GAB3: variants seen among roughly 807,000 people sequenced by gnomAD.
The protein encoded by GAB3 is GRB2-associated-binding protein 3.
A neutral mutation model predicts 40.4 loss-of-function variants in GAB3; 12 were observed. The observed-to-expected ratio is 0.30, with a 90% CI of 0.19 to 0.48. The LOEUF is 0.48. Ranked by LOEUF, GAB3 falls within the 20% of genes least tolerant of loss-of-function variation. The probability of loss-of-function intolerance (pLI) is 0.99; values close to 1 mark genes in which losing one functional copy is unlikely to be tolerated. For missense variants in GAB3, 381 were observed against 461.9 expected, an observed-to-expected ratio of 0.82 and a Z score of 1.61; for synonymous variants, 154 against 176.7, an observed-to-expected ratio of 0.87 and a Z score of 1.02.
At chrX:154,679,075 T>A (rs1345632553) in intron 9 of GAB3, 2 of 314,239 alleles carry the variant, frequency 6.4e-6, no homozygotes, top group Non-Finnish European at 6.2e-6. Flanking sequence ...GAGGATAACT[T>A]TAGCCCAGGA....
intron 8 of GAB3, among the ~76,000 whole-genome samples, chrX:154,689,340 C>T (rs1377414381): frequency 3.6e-5 from 4 of 110,996 alleles, no homozygotes; most frequent in African/African-American, 9.8e-5. Context: ...GAAGCATTCC[C>T]TTTGAAAACT....
At chrX:154,680,898 A>G (rs2070363888) in intron 8 of GAB3, among the ~76,000 whole-genome samples, 1 of 112,459 alleles carries the variant, frequency 8.9e-6, no homozygotes, top group African/African-American at 3.2e-5. Flanking sequence ...GGGCGGCTTC[A>G]GTTTTGTGTT....
Position 154,675,978 on chromosome X carries a change from T to A in GAB3, c.*2200A>T, listed in dbSNP as rs2148403235. 1 of 111,998 alleles carries A rather than the reference T, an allele frequency of 8.9e-6. No homozygotes were observed. The highest frequency in any genetic ancestry group is 9.4e-5 in the Admixed American group (1 of 10,613). The allele number at this position is 111,998 out of a possible 1,213,427, so 9.2% of individuals were successfully genotyped here. A position where few individuals can be genotyped will look rare whatever the true frequency, so the allele number is the denominator to read the frequency against. ...CTCTGGAAATGAGGGGTGAGTCACC[T>A]TTTTCAAAATTAAATTTTTAAAATT... On this transcript the variant is annotated 3_prime_UTR_variant, in exon 10 of 10. Transcript: ENST00000424127.
intron 1 of GAB3, among the ~76,000 whole-genome samples, chrX:154,720,453 C>T (rs781937533): frequency 2.8e-4 from 31 of 110,015 alleles, no homozygotes; most frequent in South Asian, 7.8e-4. Flanking sequence ...AGTGAAACCC[C>T]GTCTCTAATA....
upstream of GAB3, among the ~76,000 whole-genome samples, chrX:154,751,285 G>GT (rs2071612986): frequency 1.4e-5 from 1 of 69,785 alleles, no homozygotes; most frequent in Non-Finnish European, 2.5e-5. Context: ...GGCTGTGCCC[G>GT]GGGGGGGGGT....
At chrX:154,732,220 A>C (rs906423397) in intron 1 of GAB3, among the ~76,000 whole-genome samples, 2 of 111,916 alleles carry the variant, frequency 1.8e-5, no homozygotes, top group South Asian at 3.7e-4. Context: ...GGTCTAGGAG[A>C]GGAGAAAAAT....
chrX:154,693,914 C>G (rs1226921298), intron 8 of GAB3, among the ~76,000 whole-genome samples: 1 of 111,342 alleles, frequency 9.0e-6, no homozygotes, highest in Non-Finnish European at 1.9e-5. Flanking sequence ...TCTAAATTTT[C>G]TATAATTTCA....
At chrX:154,726,490 T>TA (rs1557259385) in intron 1 of GAB3, among the ~76,000 whole-genome samples, 1 of 111,846 alleles carries the variant, frequency 8.9e-6, no homozygotes, top group African/African-American at 3.3e-5. Context: ...TCACGATGCA[T>TA]AAAAGTAAGC....
intron 4 of GAB3, among the ~76,000 whole-genome samples, chrX:154,701,233 A>G (rs1603424668): frequency 8.9e-6 from 1 of 112,005 alleles, no homozygotes; most frequent in Non-Finnish European, 1.9e-5. Flanking sequence ...TGCCTAGAAC[A>G]CAGAAAGTAC....
intron 8 of GAB3, among the ~76,000 whole-genome samples, chrX:154,694,417 G>C (rs782693107): frequency 9.4e-6 from 1 of 106,081 alleles, no homozygotes; most frequent in East Asian, 2.9e-4. Context: ...GACAGAGTCT[G>C]GCTCTGTCGC....
chrX:154,714,181 C>A (rs2071008947), intron 2 of GAB3, among the ~76,000 whole-genome samples: 2 of 110,960 alleles, frequency 1.8e-5, no homozygotes, highest in African/African-American at 6.6e-5. Context: ...TCAGAAACAG[C>A]CAATGAAAAG....
chrX:154,740,185 T>G (rs1321275610), intron 1 of GAB3, among the ~76,000 whole-genome samples: 1 of 111,994 alleles, frequency 8.9e-6, no homozygotes, highest in African/African-American at 3.3e-5. Flanking sequence ...TTTACCACAG[T>G]ATTGTTTACA....
chrX:154,703,061 A>G (rs1282871412), intron 4 of GAB3, among the ~76,000 whole-genome samples: 1 of 112,396 alleles, frequency 8.9e-6, no homozygotes, highest in Non-Finnish European at 1.9e-5. Flanking sequence ...GGGAATGTAA[A>G]TTAGTTCAAC....
intron 6 of GAB3, among the ~76,000 whole-genome samples, 166 bp downstream of exon 6, chrX:154,699,128 G>A (rs782501820): frequency 4.5e-5 from 5 of 111,192 alleles, no homozygotes; most frequent in Non-Finnish European, 7.6e-5. Context: ...GGGCAGCAAG[G>A]TGCCCCAGCC....
At chrX:154,711,596 T>C (rs781995406) in intron 4 of GAB3, among the ~76,000 whole-genome samples, 1 of 111,891 alleles carries the variant, frequency 8.9e-6, no homozygotes, top group Admixed American at 9.5e-5. Flanking sequence ...GAGGGCCCTT[T>C]GTACAGCCAC....
In GAB3 at chrX:154,713,388, G is replaced by C; in HGVS notation, c.415C>G (p.Leu139Val). 8.3e-7 allele frequency: 1 copy of C among 1,209,449 alleles called. No individual in the cohort carries two copies. The highest frequency in any genetic ancestry group is 1.1e-6 in the Non-Finnish European group (1 of 894,955). ...AGGGAGCTGGCAGAGGATGGCTGCA[G>C]GGAGGAGGGCGTGTAAGAGAGGCTC... ...MESLSYTPSS[L>V]QPSSASSLLT... is the part of the protein sequence containing the mutation. Residue 139 changes from leucine (L) to valine (V), a missense_variant, in exon 3 of 10, where the codon CTG becomes GTG. Leu to Val is a conservative substitution (Grantham distance 32). Coordinates refer to ENST00000424127, the MANE Select transcript of GAB3 (RefSeq NM_001081573.3).
At chrX:154,750,274 T>C (rs2071592780) in intron 1 of GAB3, among the ~76,000 whole-genome samples, 1 of 112,321 alleles carries the variant, frequency 8.9e-6, no homozygotes. Flanking sequence ...ACGTTTGAGG[T>C]GTCGATAGTA....
At chrX:154,688,624 C>T (rs1175574185) in intron 8 of GAB3, among the ~76,000 whole-genome samples, 1 of 111,363 alleles carries the variant, frequency 9.0e-6, no homozygotes, top group Non-Finnish European at 1.9e-5. Context: ...ACTCTCAAAA[C>T]TCAATGTAAG....
In GAB3 at chrX:154,675,817, A is replaced by G. The variant is rs2070288188; in HGVS notation, c.*2361T>C. ...CACACACACATCGATCATCTCCACC[A>G]AAACCAATATTTTGACTTATGGTGC... On this transcript the variant is annotated 3_prime_UTR_variant, in exon 10 of 10. Transcript: ENST00000424127. The G allele has an allele frequency of 9.0e-6, 1 of 111,659 alleles. No individual in the cohort carries two copies. Among genetic ancestry groups the G allele is most frequent in the African/African-American group, 3.3e-5 (1 of 30,661 alleles). 9.2% of individuals were successfully genotyped at this position (111,659 alleles called of 1,213,427 possible). A position where few individuals can be genotyped will look rare whatever the true frequency, so the allele number is the denominator to read the frequency against.
Sources: gnomAD v4.1 joint callset for allele counts (sites outside exome capture counted in the v4.1 genomes callset) on GRCh38, gnomAD v4.1.1 for gene constraint, MANE v1.5 for transcripts, NCBI Gene and HGNC (gene_info 2026-07-23, HGNC 2026-07-21) for gene names.